Variants in ITCH observed in about 807,000 individuals in gnomAD.
ITCH encodes itchy E3 ubiquitin protein ligase, also known as E3 ubiquitin-protein ligase Itchy homolog.
A neutral mutation model predicts 126.8 loss-of-function variants in ITCH; 28 were observed. That is an observed-to-expected ratio of 0.22 (90% CI 0.16 to 0.30). The LOEUF is 0.30. Among genes scored for constraint, ITCH ranks in the 10% least tolerant of loss-of-function variants. The pLI is 1.00. For missense variants in ITCH, 631 were observed against 1,032.4 expected (o/e 0.61, Z 5.33); for synonymous variants, 342 against 340.0 (o/e 1.01, Z -0.06).
At chr20:34,446,505 G>A (rs368797813) in intron 11 of ITCH, among the ~76,000 whole-genome samples, 43 of 152,068 alleles carry the variant, frequency 2.8e-4, no homozygotes, top group African/African-American at 1.0e-3. Context: ...TATGACTCAG[G>A]TACTTTTCTT....
At chr20:34,418,731 C>CTCCTTTCT (rs1980305175) in intron 6 of ITCH, among the ~76,000 whole-genome samples, 1 of 149,856 alleles carries the variant, frequency 6.7e-6, no homozygotes, top group Non-Finnish European at 1.5e-5. Context: ...GGTAGTAAAA[C>CTCCTTTCT]TCCTTTCTTT....
At chr20:34,502,035 G>T (rs565405587) in intron 23 of ITCH, among the ~76,000 whole-genome samples, 1 of 151,992 alleles carries the variant, frequency 6.6e-6, no homozygotes, top group East Asian at 1.9e-4. Context: ...AAAAAGCCTC[G>T]GAGACCATAA....
chr20:34,492,297 G>A (rs1222168978), intron 22 of ITCH, among the ~76,000 whole-genome samples: 1 of 152,102 alleles, frequency 6.6e-6, no homozygotes, highest in African/African-American at 2.4e-5. Flanking sequence ...TCTGGAGGCC[G>A]AGGCAGGAGG....
chr20:34,447,441 G>C (rs1490216103), intron 11 of ITCH, among the ~76,000 whole-genome samples: 1 of 152,056 alleles, frequency 6.6e-6, no homozygotes. Context: ...TATATGAAGT[G>C]GCCTTTGTCC....
At position 34,481,139 on chromosome 20, in the gene ITCH, A is replaced by G. The variant is rs1050912826; in HGVS notation, c.2026A>G (p.Ser676Gly). 1 of 1,613,198 alleles carries G rather than the reference A, an allele frequency of 6.2e-7. No homozygotes were observed. The highest frequency in any genetic ancestry group is 8.5e-7 in the Non-Finnish European group (1 of 1,179,332). ...VDKEILGEIK[S>G]HDLKPNGGNI... ...CAAAGAAATTCTAGGTGAAATTAAG[A>G]GTCATGATCTGAAACCTAATGGTGG... Residue 676 changes from serine to glycine, a missense_variant, in exon 20 of 25, where the codon AGT becomes GGT. By Grantham distance (56) the Ser-to-Gly change is moderately conservative (BLOSUM62 0). This residue lies in a region of ITCH where 390 missense variants were observed against 731.6 expected (regional missense o/e 0.53). Coordinates refer to ENST00000374864, the MANE Select transcript of ITCH (RefSeq NM_031483.7).
At chr20:34,468,117 C>CTCTG (rs1987264395) in intron 14 of ITCH, among the ~76,000 whole-genome samples, 1 of 150,432 alleles carries the variant, frequency 6.6e-6, no homozygotes, top group Non-Finnish European at 1.5e-5. Flanking sequence ...TCACTGCAAG[C>CTCTG]TCTGCCTCCC....
chr20:34,430,020 G>C (rs193032583), intron 7 of ITCH, among the ~76,000 whole-genome samples: 1 of 152,282 alleles, frequency 6.6e-6, no homozygotes, highest in East Asian at 1.9e-4. Flanking sequence ...TTTGGCTAAA[G>C]GTGCAGTAAT....
At chr20:34,383,329 C>T (rs530908477) in intron 2 of ITCH, among the ~76,000 whole-genome samples, 754 of 149,832 alleles carry the variant, frequency 5.0e-3, no homozygotes, top group Non-Finnish European at 8.6e-3. Context: ...GGATTACAGG[C>T]GTGAGCCACC....
intron 23 of ITCH, among the ~76,000 whole-genome samples, chr20:34,503,916 C>A (rs1990453952): frequency 9.3e-6 from 1 of 107,906 alleles, no homozygotes; most frequent in African/African-American, 3.7e-5. Context: ...GGGTCTCGTT[C>A]TGTCACCCGG....
intron 15 of ITCH, among the ~76,000 whole-genome samples, 155 bp downstream of exon 15, chr20:34,470,275 T>G (rs1987492550): frequency 6.6e-6 from 1 of 152,166 alleles, no homozygotes; most frequent in African/African-American, 2.4e-5. Flanking sequence ...TAAATAGATT[T>G]ATCAATTAGA....
At chr20:34,371,482 C>T (rs940755944) in intron 2 of ITCH, among the ~76,000 whole-genome samples, 3 of 151,762 alleles carry the variant, frequency 2.0e-5, no homozygotes, top group South Asian at 2.1e-4. Flanking sequence ...CGGGGTTTCA[C>T]CACATTGGCC....
rs1193052291 is a variant in ITCH, at chr20:34,449,450, G to A, written c.1180G>A (p.Asp394Asn). The A allele has an allele frequency of 1.9e-6, 3 of 1,611,764 alleles. No individual in the cohort carries two copies. The highest frequency in any genetic ancestry group is 2.5e-6 in the Non-Finnish European group (3 of 1,178,200). The change falls in exon 12 of 25, where the codon GAT becomes AAT. Residue 394 changes from aspartate (D) to asparagine (N), a missense_variant. This residue lies in a region of ITCH where 390 missense variants were observed against 731.6 expected (regional missense o/e 0.53). Coordinates refer to ENST00000374864, the MANE Select transcript of ITCH (RefSeq NM_031483.7). ...TGCTACATCACAAAGTAAAGAATTTGATCCTCTTGGTCCATTGCCACCTGG... is the reference window on the plus strand; with the variant it reads ...TGCTACATCACAAAGTAAAGAATTTAATCCTCTTGGTCCATTGCCACCTGG... ...LFATSQSKEF[D>N]PLGPLPPGWE...
At chr20:34,453,558 C>T (rs1985505996) in intron 12 of ITCH, among the ~76,000 whole-genome samples, 1 of 152,138 alleles carries the variant, frequency 6.6e-6, no homozygotes, top group Non-Finnish European at 1.5e-5. Context: ...GATTGTATCA[C>T]TGCACTCCAG....
intron 7 of ITCH, among the ~76,000 whole-genome samples, chr20:34,435,896 T>C (rs1328387367): frequency 1.3e-5 from 2 of 152,172 alleles, no homozygotes; most frequent in East Asian, 3.8e-4. Flanking sequence ...TAAAAGATAC[T>C]GTAGGAGGCA....
intron 3 of ITCH, among the ~76,000 whole-genome samples, chr20:34,399,410 A>G (rs150650262): frequency 6.6e-6 from 1 of 152,306 alleles, no homozygotes; most frequent in Non-Finnish European, 1.5e-5. Context: ...AATAAATAAA[A>G]TAAAAATAAA....
chr20:34,396,037 T>TATTA (rs111359422), intron 3 of ITCH, among the ~76,000 whole-genome samples: 1 of 144,990 alleles, frequency 6.9e-6, no homozygotes, highest in African/African-American at 2.6e-5. Flanking sequence ...TTATTATTAT[T>TATTA]TTTTTTTTTT....
chr20:34,472,923 G>A (rs1226928417), intron 16 of ITCH, among the ~76,000 whole-genome samples: 1 of 152,032 alleles, frequency 6.6e-6, no homozygotes, highest in African/African-American at 2.4e-5. Flanking sequence ...TCTGTTGGAC[G>A]AGTTTCTTGA....
At position 34,442,159 on chromosome 20, in the gene ITCH, C is replaced by T. The variant is rs368085318; in HGVS notation, c.870-49C>T. The T allele has an allele frequency of 3.9e-4, 536 of 1,359,356 alleles. 1 individual carries two copies. Among genetic ancestry groups the T allele is most frequent in the Non-Finnish European group, 2.7e-4 (257 of 948,072 alleles). 84.2% of individuals were successfully genotyped at this position (1,359,356 alleles called of 1,614,324 possible). A position where few individuals can be genotyped will look rare whatever the true frequency, so the allele number is the denominator to read the frequency against. On this transcript the variant is annotated intron_variant, in intron 9 of 24. Coordinates refer to ENST00000374864, the MANE Select transcript of ITCH (RefSeq NM_031483.7). ...AAATGCAAAGACAGGATTAAAAAGC[C>T]AGGTAACTCATGCAAGTATTTTACC... is the stretch of plus-strand genomic sequence containing the variant.
At chr20:34,463,232 G>A (rs113196705) in intron 14 of ITCH, among the ~76,000 whole-genome samples, 126 of 152,274 alleles carry the variant, frequency 8.3e-4, no homozygotes, top group African/African-American at 2.9e-3. Flanking sequence ...GCATGGTGGC[G>A]CACACCTGTA....
Sources: allele counts gnomAD v4.1 joint callset (sites outside exome capture counted in the v4.1 genomes callset), GRCh38; gene constraint gnomAD v4.1.1; regional missense constraint gnomAD v4.1.1; transcripts MANE v1.5; gene names NCBI Gene and HGNC (gene_info 2026-07-23, HGNC 2026-07-21).